POU2F3: variants seen among roughly 807,000 people sequenced by gnomAD.
The protein encoded by POU2F3 is POU class 2 homeobox 3, also known as POU domain, class 2, transcription factor 3.
A neutral mutation model predicts 59.2 loss-of-function variants in POU2F3; 23 were observed. The observed-to-expected ratio is 0.39, with a 90% confidence interval of 0.28 to 0.55. The LOEUF (loss-of-function observed/expected upper bound fraction) is 0.55. Among genes scored for constraint, POU2F3 ranks in the 20% least tolerant of loss-of-function variants. POU2F3 has a pLI of 0.66. For synonymous variants in POU2F3, 190 were observed against 214.6 expected, an observed-to-expected ratio of 0.89 and a Z score of 1.00; for missense variants, 473 against 544.5, an observed-to-expected ratio of 0.87 and a Z score of 1.31.
chr11:120,262,599 C>G (rs1192696463), intron 2 of POU2F3, among the ~76,000 whole-genome samples: 1 of 152,228 alleles, frequency 6.6e-6, no homozygotes, highest in African/African-American at 2.4e-5. Context: ...ATTCTCACAG[C>G]AATTTTGATG....
intron 3 of POU2F3, among the ~76,000 whole-genome samples, chr11:120,295,171 C>T (rs978651587): frequency 4.6e-5 from 7 of 152,114 alleles, no homozygotes; most frequent in South Asian, 2.1e-4. Context: ...TTTATGATGG[C>T]GCTGGTTTCT....
Position 120,319,163 on chromosome 11 carries a change from C to T in POU2F3, c.*771C>T, listed in dbSNP as rs1941858951. 6.6e-6 allele frequency: 1 copy of T among 152,648 alleles called. No homozygotes were observed. Among genetic ancestry groups the T allele is most frequent in the South Asian group, 2.1e-4 (1 of 4,822 alleles). The allele number at this position is 152,648 out of a possible 1,614,324, so 9.5% of individuals were successfully genotyped here. ...CCTGTGTTTCTCTTTATCCTGTCCCCTCTCCTTTCTCCTGGCAGCAGAAAA... is the reference window on the plus strand; with the variant it reads ...CCTGTGTTTCTCTTTATCCTGTCCCTTCTCCTTTCTCCTGGCAGCAGAAAA... On this transcript the variant is annotated 3_prime_UTR_variant, in exon 13 of 13. Coordinates refer to ENST00000543440, the MANE Select transcript of POU2F3 (RefSeq NM_014352.4).
At chr11:120,282,658 GAAAC>G (rs1156458599) in intron 3 of POU2F3, among the ~76,000 whole-genome samples, 2 of 151,804 alleles carry the variant, frequency 1.3e-5, no homozygotes, top group African/African-American at 4.8e-5. Context: ...TCTCAAAAAA[GAAAC>G]AAACAAAAAA....
chr11:120,317,265 C>T lies in POU2F3; in HGVS notation c.1172C>T (p.Pro391Leu). Reference protein sequence around the residue: ...SSCSPGNNSRPSSPGSGLHAS... With the variant: ...SSCSPGNNSRLSSPGSGLHAS... Reference sequence around the variant, plus strand: ...TGTTCCCCTGGGAACAACAGCAGGCCTTCATCTCCTGGCTCAGGACTCCAC... The same window carrying T: ...TGTTCCCCTGGGAACAACAGCAGGCTTTCATCTCCTGGCTCAGGACTCCAC... The change falls in exon 12 of 13, where the codon CCT (proline) becomes CTT (leucine). Residue 391 changes from proline (P) to leucine (L), a missense_variant. By Grantham distance (98) the Pro-to-Leu change is moderately conservative. Transcript: ENST00000543440. 1.2e-6 allele frequency: 2 copies of T among 1,614,116 alleles called. No individual in the cohort carries two copies. The highest frequency in any genetic ancestry group is 8.5e-7 in the Non-Finnish European group (1 of 1,179,950).
intron 2 of POU2F3, among the ~76,000 whole-genome samples, chr11:120,251,104 A>G (rs900175899): frequency 2.0e-5 from 3 of 152,272 alleles, no homozygotes; most frequent in Middle Eastern, 3.4e-3. Flanking sequence ...AGTAACTGGG[A>G]CTACAGGTAT....
chr11:120,268,259 C>T (rs890719686), intron 2 of POU2F3, among the ~76,000 whole-genome samples: 4 of 151,984 alleles, frequency 2.6e-5, no homozygotes, highest in Admixed American at 2.0e-4. Flanking sequence ...TTAATTATGA[C>T]GTCCTCTCGG....
chr11:120,267,752 AAT>A (rs1247161239), intron 2 of POU2F3, among the ~76,000 whole-genome samples: 2 of 151,714 alleles, frequency 1.3e-5, no homozygotes, highest in African/African-American at 2.4e-5. Flanking sequence ...ACAAAAAAAA[AAT>A]GGGTGTCACT....
intron 10 of POU2F3, among the ~76,000 whole-genome samples, chr11:120,312,269 A>G (rs992719565): frequency 1.3e-5 from 2 of 152,138 alleles, no homozygotes; most frequent in Middle Eastern, 3.4e-3. Flanking sequence ...GATTACAGGC[A>G]CCCACCATCA....
chr11:120,236,870 G>A (rs1938517292), upstream of POU2F3, among the ~76,000 whole-genome samples: 2 of 152,214 alleles, frequency 1.3e-5, no homozygotes, highest in South Asian at 2.1e-4. Context: ...GGGCACATGA[G>A]GGAGAAGCAG....
intron 2 of POU2F3, chr11:120,265,482 T>C (rs762646728): frequency 6.6e-6 from 1 of 152,228 alleles, no homozygotes; most frequent in African/African-American, 2.4e-5. Context: ...CAGATAAGAA[T>C]GAATTTGATG....
At chr11:120,256,486 G>A (rs184538001) in intron 2 of POU2F3, 1 of 152,312 alleles carries the variant, frequency 6.6e-6, no homozygotes, top group East Asian at 1.9e-4. Flanking sequence ...TGTTTTCCAG[G>A]AAGACTTGCC....
intron 3 of POU2F3, among the ~76,000 whole-genome samples, chr11:120,290,193 A>G (rs1392745064): frequency 6.6e-6 from 1 of 152,220 alleles, no homozygotes; most frequent in East Asian, 1.9e-4. Context: ...ATTACCAGAG[A>G]TAACCATTTG....
At chr11:120,297,806 T>A (rs1484567996) in intron 3 of POU2F3, among the ~76,000 whole-genome samples, 1 of 152,126 alleles carries the variant, frequency 6.6e-6, no homozygotes, top group Non-Finnish European at 1.5e-5. Flanking sequence ...GGTCTCACTG[T>A]GTCACCTAGG....
chr11:120,295,829 T>C (rs116148255), intron 3 of POU2F3, among the ~76,000 whole-genome samples: 3,969 of 152,268 alleles, frequency 0.026, 179 homozygotes, highest in African/African-American at 0.089. Context: ...ACAGTGCTAT[T>C]TCCCATCTCT....
chr11:120,299,656 T>C lies in POU2F3; in HGVS notation c.291T>C (p.Leu97=), dbSNP rs779640372. Reference sequence around the variant, plus strand: ...CTTCCCTCCATCCGCTCCAGCAGCTTGTGCTGGTTCCCGGCCACTTACAGT... The same window carrying C: ...CTTCCCTCCATCCGCTCCAGCAGCTCGTGCTGGTTCCCGGCCACTTACAGT... ...DMASLHPLQQ[L]VLVPGHLQSV... Residue 97 remains leucine, a synonymous_variant, in exon 5 of 13, where the codon CTT becomes CTC. Transcript: ENST00000543440. The C allele has an allele frequency of 4.3e-6, 7 of 1,613,946 alleles. No individual in the cohort carries two copies. In the East Asian group the frequency reaches 1.1e-4, roughly 26 times the overall value.
chr11:120,266,322 C>T (rs1939824804), intron 2 of POU2F3, among the ~76,000 whole-genome samples: 1 of 152,114 alleles, frequency 6.6e-6, no homozygotes, highest in African/African-American at 2.4e-5. Flanking sequence ...CATCCACTGC[C>T]ACCATCCTAT....
intron 2 of POU2F3, among the ~76,000 whole-genome samples, chr11:120,254,498 CCA>C (rs1187030749): frequency 1.3e-5 from 2 of 149,792 alleles, no homozygotes; most frequent in African/African-American, 4.8e-5. Flanking sequence ...TCTGTGGAGA[CCA>C]CTTCCCCCCG....
chr11:120,318,343 T>C lies in POU2F3; in HGVS notation c.1272-10T>C. 1 of 1,600,870 alleles carries C rather than the reference T, an allele frequency of 6.2e-7. No homozygotes were observed. The highest frequency in any genetic ancestry group is 8.6e-7 in the Non-Finnish European group (1 of 1,167,896). On this transcript the variant is annotated splice_polypyrimidine_tract_variant and intron_variant, in intron 12 of 12. Transcript: ENST00000543440. ...ATTAGCTTTAGGATTGACTTCTTTC[T>C]TCCTTCCAGATCTTGGTACCGATGG...
chr11:120,236,986 T>A (rs1326227461), upstream of POU2F3, among the ~76,000 whole-genome samples: 1 of 152,142 alleles, frequency 6.6e-6, no homozygotes, highest in Admixed American at 6.5e-5. Flanking sequence ...TTCAATGATA[T>A]CTAGGTTCTT....
Sources: gnomAD v4.1 joint callset for allele counts (sites outside exome capture counted in the v4.1 genomes callset) on GRCh38, gnomAD v4.1.1 for gene constraint, MANE v1.5 for transcripts, NCBI Gene and HGNC (gene_info 2026-07-23, HGNC 2026-07-21) for gene names.